KIAA1217: variants seen among roughly 807,000 people sequenced by gnomAD.
The protein encoded by KIAA1217 is sickle tail protein homolog.
Under a neutral mutation model 163.9 loss-of-function variants are expected in KIAA1217, and 88 were observed. That is an observed-to-expected ratio of 0.54 (90% CI 0.45 to 0.64). The LOEUF (loss-of-function observed/expected upper bound fraction) is 0.64. KIAA1217 is among the 30% of genes least tolerant of loss of function. The pLI is 0.00. For synonymous variants in KIAA1217, 903 were observed against 923.1 expected (o/e 0.98, Z 0.39); for missense variants, 2,372 against 2,475.0 (o/e 0.96, Z 0.88).
intron 2 of KIAA1217, among the ~76,000 whole-genome samples, chr10:24,174,729 A>G (rs1335909617): frequency 1.3e-5 from 2 of 152,126 alleles, no homozygotes; most frequent in African/African-American, 4.8e-5. Flanking sequence ...TTATTTATTC[A>G]TTTCAATAGG....
chr10:24,144,874 C>A (rs1032176000), intron 2 of KIAA1217, among the ~76,000 whole-genome samples: 2 of 152,208 alleles, frequency 1.3e-5, no homozygotes, highest in Non-Finnish European at 2.9e-5. Flanking sequence ...ACCTTTCTCC[C>A]TCCCCTCACA....
intron 2 of KIAA1217, among the ~76,000 whole-genome samples, chr10:24,304,272 T>C (rs1430906441): frequency 6.6e-6 from 1 of 151,870 alleles, no homozygotes; most frequent in East Asian, 1.9e-4. Flanking sequence ...TTCATTCTGT[T>C]GAACCAACTA....
intron 2 of KIAA1217, among the ~76,000 whole-genome samples, chr10:24,095,068 G>A (rs748716894): frequency 2.2e-4 from 33 of 152,190 alleles, no homozygotes; most frequent in South Asian, 4.1e-4. Flanking sequence ...CTGATGCGCC[G>A]TTTCCTAAGC....
chr10:24,476,214 T>A (rs1022437634), intron 6 of KIAA1217, among the ~76,000 whole-genome samples: 1 of 152,230 alleles, frequency 6.6e-6, no homozygotes, highest in African/African-American at 2.4e-5. Flanking sequence ...CCTAGCTCAG[T>A]GTCATCTGTG....
chr10:24,346,487 T>G (rs2047791283), intron 2 of KIAA1217, among the ~76,000 whole-genome samples: 1 of 151,266 alleles, frequency 6.6e-6, no homozygotes, highest in Admixed American at 6.6e-5. Context: ...ATAATAATAA[T>G]AATATTTCTT....
chr10:24,176,923 G>A (rs1310369070), intron 2 of KIAA1217, among the ~76,000 whole-genome samples: 1 of 152,140 alleles, frequency 6.6e-6, no homozygotes, highest in Non-Finnish European at 1.5e-5. Context: ...AGGTGGGCTG[G>A]CAGTGCTGGG....
rs1263957973 is a variant in KIAA1217, at chr10:23,818,046, T to TAC, written c.-321+122816_-321+122817dup. On this transcript the variant is annotated intron_variant, in intron 1 of 18. Transcript: ENST00000376462. ...ATACACACATATATATACATATATA[T>TAC]ACACATATATATACATATATATATA... Among the ~76,000 whole-genome samples the TAC allele has an allele frequency of 4.0e-5, 5 of 125,398 alleles. No homozygotes were observed. In the East Asian group the frequency reaches 8.7e-4, roughly 22 times the overall value. The allele number at this position is 125,398 out of a possible 152,430, so 82.3% of individuals were successfully genotyped here. A position where few individuals can be genotyped will look rare whatever the true frequency, so the allele number is the denominator to read the frequency against.
At chr10:23,804,271 A>G (rs1245957666) in intron 1 of KIAA1217, among the ~76,000 whole-genome samples, 1 of 152,154 alleles carries the variant, frequency 6.6e-6, no homozygotes, top group Non-Finnish European at 1.5e-5. Context: ...GGTTATAATT[A>G]TATGCTGCTG....
intron 1 of KIAA1217, among the ~76,000 whole-genome samples, chr10:23,736,821 C>T (rs960580136): frequency 2.6e-5 from 4 of 152,072 alleles, no homozygotes; most frequent in East Asian, 1.9e-4. Context: ...CCACCGCACC[C>T]GGCCTATAAT....
chr10:23,819,463 C>A (rs945777471), intron 1 of KIAA1217, among the ~76,000 whole-genome samples: 2 of 152,236 alleles, frequency 1.3e-5, no homozygotes, highest in East Asian at 3.9e-4. Flanking sequence ...ACTGCTGACA[C>A]CAGTGAGCTC....
chr10:24,073,916 A>C (rs1410060512), intron 2 of KIAA1217, among the ~76,000 whole-genome samples: 1 of 152,204 alleles, frequency 6.6e-6, no homozygotes, highest in Admixed American at 6.5e-5. Flanking sequence ...GGTGGGGAGC[A>C]TAATTGGGTG....
intron 2 of KIAA1217, among the ~76,000 whole-genome samples, chr10:24,074,216 G>T (rs1031201437): frequency 1.3e-5 from 2 of 152,066 alleles, no homozygotes; most frequent in African/African-American, 4.8e-5. Flanking sequence ...AGGTGTTGTG[G>T]CACATGCCTG....
At chr10:24,064,183 A>C (rs946797147) in intron 2 of KIAA1217, among the ~76,000 whole-genome samples, 1 of 152,160 alleles carries the variant, frequency 6.6e-6, no homozygotes, top group Non-Finnish European at 1.5e-5. Flanking sequence ...ACTATGTTGA[A>C]TAGGAGTGGT....
At chr10:24,501,818 G>A (rs1216368679) in intron 9 of KIAA1217, among the ~76,000 whole-genome samples, 4 of 129,858 alleles carry the variant, frequency 3.1e-5, no homozygotes, top group South Asian at 2.5e-4. Context: ...GCGCGATCTC[G>A]GCTCACTGCA....
chr10:24,278,738 G>C (rs1175361333), intron 2 of KIAA1217, among the ~76,000 whole-genome samples: 2 of 152,166 alleles, frequency 1.3e-5, no homozygotes, highest in African/African-American at 4.8e-5. Context: ...TGTTATGCTA[G>C]AGAGAAATTT....
At chr10:23,930,345 A>G (rs952031715) in intron 1 of KIAA1217, among the ~76,000 whole-genome samples, 1 of 152,176 alleles carries the variant, frequency 6.6e-6, no homozygotes, top group Non-Finnish European at 1.5e-5. Context: ...CTTCTATAAC[A>G]TCTGTTTCTA....
At chr10:24,215,983 C>G (rs1034389048) in intron 1 of KIAA1217, among the ~76,000 whole-genome samples, 1 of 152,198 alleles carries the variant, frequency 6.6e-6, no homozygotes, top group South Asian at 2.1e-4. Context: ...GTGGTTGATG[C>G]TTTTTGTACC....
At chr10:24,511,240 G>A (rs905587656) in intron 9 of KIAA1217, among the ~76,000 whole-genome samples, 1 of 151,794 alleles carries the variant, frequency 6.6e-6, no homozygotes, top group Non-Finnish European at 1.5e-5. Flanking sequence ...TGCATGGAGG[G>A]AGGGAGATTA....
intron 9 of KIAA1217, among the ~76,000 whole-genome samples, chr10:24,506,284 C>A (rs2068347072): frequency 6.6e-6 from 1 of 152,174 alleles, no homozygotes; most frequent in African/African-American, 2.4e-5. Context: ...CATGTCACTG[C>A]TAGACAGCAA....
Sources: allele counts gnomAD v4.1 joint callset (sites outside exome capture counted in the v4.1 genomes callset), GRCh38; gene constraint gnomAD v4.1.1; transcripts MANE v1.5; gene names NCBI Gene and HGNC (gene_info 2026-07-23, HGNC 2026-07-21).